TRPM2: variants seen among roughly 807,000 people sequenced by gnomAD.
TRPM2 encodes transient receptor potential cation channel subfamily M member 2, also known as estrogen-responsive element-associated gene 1 protein.
In TRPM2, 161 loss-of-function variants were observed where a neutral mutation model predicts 174.0. The observed-to-expected ratio is 0.93, with a 90% CI of 0.81 to 1.05. TRPM2 has a LOEUF of 1.05. Ranked by LOEUF, TRPM2 falls within the 50% of genes least tolerant of loss-of-function variation. The probability of loss-of-function intolerance (pLI) is 0.00; values close to 1 mark genes in which losing one functional copy is unlikely to be tolerated. For missense variants in TRPM2, 2,057 were observed against 2,038.0 expected (o/e 1.01, Z -0.18); for synonymous variants, 954 against 861.3 (o/e 1.11, Z -1.88).
In TRPM2 at chr21:44,372,145, A is replaced by C. The variant is rs556857657; in HGVS notation, c.771+2802A>C. 5.9e-5 allele frequency among the ~76,000 whole-genome samples: 9 copies of C among 151,928 alleles called. No homozygotes were observed. The East Asian group carries it at 7.8e-4, about 13-fold the overall frequency. On this transcript the variant is annotated intron_variant, in intron 5 of 31. Transcript: ENST00000397928. ...TAAACTAAACCAAACCAAACCAAAC[A>C]AAATGATCCCCTCCAACTACAAACC...
chr21:44,433,180 G>T (rs765276187), intron 27 of TRPM2, among the ~76,000 whole-genome samples: 14 of 152,208 alleles, frequency 9.2e-5, no homozygotes, highest in Non-Finnish European at 1.5e-5. Context: ...GGAGCTGGCA[G>T]GCCCCTAACC....
rs1473347036 is a variant in TRPM2 at position 44,417,909 on chromosome 21, C to T, written c.3147-18C>T. ...TAAACACCCTGACCTCGAGGTGTTGCTTTCTCCTCCCTGACAGCTACACCT... is the reference window on the plus strand; with the variant it reads ...TAAACACCCTGACCTCGAGGTGTTGTTTTCTCCTCCCTGACAGCTACACCT... On this transcript the variant is annotated intron_variant, in intron 20 of 31. Transcript: ENST00000397928. 6.2e-7 allele frequency: 1 copy of T among 1,605,546 alleles called. No homozygotes were observed. Among genetic ancestry groups the T allele is most frequent in the South Asian group, 1.1e-5 (1 of 90,910 alleles).
In TRPM2 at chr21:44,376,905, C is replaced by T. The variant is rs371777359; in HGVS notation, c.953-807C>T. On this transcript the variant is annotated intron_variant, in intron 6 of 31. Coordinates refer to ENST00000397928, the MANE Select transcript of TRPM2 (RefSeq NM_003307.4). This position sits in a 1 kb window ranked among gnomAD's most constrained non-coding sequence, Gnocchi z 4.2. Reference sequence around the variant, plus strand: ...TTAGGAGCACGTTCCCTGGTGAGGGCGATGCTGCAGTTCAGGGACCAGGGA... The same window carrying T: ...TTAGGAGCACGTTCCCTGGTGAGGGTGATGCTGCAGTTCAGGGACCAGGGA... Among the ~76,000 whole-genome samples, 6 of 151,810 alleles carry T rather than the reference C, an allele frequency of 4.0e-5. No homozygotes were observed. In the East Asian group the frequency reaches 7.8e-4, roughly 20 times the overall value.
In TRPM2 at chr21:44,377,755, C is replaced by T. The variant is rs144477868; in HGVS notation, c.996C>T (p.Gly332=). The T allele has an allele frequency of 2.5e-3, 4,042 of 1,613,998 alleles. 3 individuals carry two copies. The highest frequency in any genetic ancestry group is 3.1e-3 in the Non-Finnish European group (3,674 of 1,180,034). ...CCATCGTGTGCGTGGTGCTGGAGGG[C>T]GGCCCGGGCACGTTGCACGTGAGTA... ...KIPIVCVVLE[G]GPGTLHTIDN... The change falls in exon 7 of 32, where the codon GGC becomes GGT. Residue 332 remains glycine (G), a synonymous_variant. Transcript: ENST00000397928.
At position 44,399,364 on chromosome 21, in the gene TRPM2, G is replaced by C; in HGVS notation, c.2131G>C (p.Ala711Pro). 1 of 1,612,844 alleles carries C rather than the reference G, an allele frequency of 6.2e-7. No homozygotes were observed. ...GAAACTGCTCACCCGCGTGTCCGAG[G>C]CCTGGGGGAAGACCACCTGCCTGCA... ...AQKLLTRVSEAWGKTTCLQLA... is the reference protein window; with the variant it reads ...AQKLLTRVSEPWGKTTCLQLA... The change falls in exon 14 of 32, where the codon GCC (alanine) becomes CCC (proline). Residue 711 changes from alanine (A) to proline (P), a missense_variant. Ala to Pro is a conservative substitution (Grantham distance 27). Coordinates refer to ENST00000397928, the MANE Select transcript of TRPM2 (RefSeq NM_003307.4). This position sits in a 1 kb window ranked among gnomAD's most constrained non-coding sequence, Gnocchi z 4.6.
upstream of TRPM2, among the ~76,000 whole-genome samples, chr21:44,352,194 C>A (rs2123000011): frequency 2.1e-4 from 32 of 152,222 alleles, no homozygotes; most frequent in African/African-American, 7.5e-4. Context: ...CAGCTCATGG[C>A]CCTGGAAAGA....
intron 12 of TRPM2, 115 bp from the exon 13 acceptor site, chr21:44,397,632 C>A: frequency 8.6e-7 from 1 of 1,162,358 alleles, no homozygotes; most frequent in Non-Finnish European, 1.1e-6. Context: ...AGTGATTGCC[C>A]AGTGGCCCGC....
intron 30 of TRPM2, among the ~76,000 whole-genome samples, chr21:44,440,587 G>A (rs1292633563): frequency 6.6e-6 from 1 of 152,268 alleles, no homozygotes; most frequent in Non-Finnish European, 1.5e-5. Flanking sequence ...GCAAGGACGT[G>A]TCTGTCCAGG....
chr21:44,423,407 C>T (rs1319953733), intron 22 of TRPM2: 3 of 517,304 alleles, frequency 5.8e-6, no homozygotes, highest in East Asian at 3.4e-5. Flanking sequence ...GACAGGCTGC[C>T]AGAGCTTGCC....
At chr21:44,403,034 G>A (rs966765810) in intron 16 of TRPM2, among the ~76,000 whole-genome samples, 1 of 152,168 alleles carries the variant, frequency 6.6e-6, no homozygotes, top group Non-Finnish European at 1.5e-5. Context: ...ACTTGGCGGG[G>A]CCTGGGAGCT....
At chr21:44,441,611 C>T in intron 31 of TRPM2, 81 bp from the exon 32 acceptor site, 1 of 1,488,996 alleles carries the variant, frequency 6.7e-7, no homozygotes. Flanking sequence ...GCCCCAAGCC[C>T]TCGAAGGCTG....
In TRPM2 at chr21:44,405,240, C is replaced by T. The variant is rs564579705; in HGVS notation, c.2637C>T (p.Phe879=). The change falls in exon 17 of 32, where the codon TTC becomes TTT. Residue 879 remains phenylalanine (F), a synonymous_variant. Transcript: ENST00000397928. ...TGGACGTCGGCGCAATCTTGCTCTT[C>T]GTGGCAGGGCTGACCTGCAGGTGAG... is the stretch of plus-strand genomic sequence containing the variant. ...NKLDVGAILL[F]VAGLTCRLIP... is the part of the protein sequence containing the mutation. The T allele has an allele frequency of 4.2e-5, 68 of 1,613,182 alleles. No individual in the cohort carries two copies. The East Asian group carries it at 1.0e-3, about 24-fold the overall frequency.
chr21:44,351,807 T>C (rs915516160), upstream of TRPM2, among the ~76,000 whole-genome samples: 1 of 152,172 alleles, frequency 6.6e-6, no homozygotes, highest in Non-Finnish European at 1.5e-5. Context: ...CGGGTGGTGC[T>C]GGAGCAGGTC....
At position 44,442,503 on chromosome 21, in the gene TRPM2, G is replaced by A. The variant is rs1349004068; in HGVS notation, c.*686G>A. On this transcript the variant is annotated 3_prime_UTR_variant, in exon 32 of 32. Coordinates refer to ENST00000397928, the MANE Select transcript of TRPM2 (RefSeq NM_003307.4). ...TCCCTGGGAGCCACGTGCTGGCCAT[G>A]TGGCCAGGGACGGCATGAGCAGGAG... 6.6e-6 allele frequency: 1 copy of A among 152,352 alleles called. No individual in the cohort carries two copies. The highest frequency in any genetic ancestry group is 1.5e-5 in the Non-Finnish European group (1 of 68,102). The allele number at this position is 152,352 out of a possible 1,614,324, so 9.4% of individuals were successfully genotyped here.
chr21:44,359,894 T>A (rs2048165573), intron 2 of TRPM2, among the ~76,000 whole-genome samples: 2 of 151,820 alleles, frequency 1.3e-5, no homozygotes, highest in African/African-American at 2.4e-5. Flanking sequence ...ACTACAGCTG[T>A]GCACCATCAC....
rs772466518 is a variant in TRPM2 at position 44,367,024 on chromosome 21, A to G, written c.604+90A>G. On this transcript the variant is annotated intron_variant, in intron 4 of 31. Transcript: ENST00000397928. The surrounding 1 kb of genome is among the most constrained non-coding windows in gnomAD (Gnocchi z 4.6). ...GGGCAATCAGGGCCATCAGGACCCA[A>G]AAAGTCCCTGGGAGCCGCCGAGGCT... 5.6e-6 allele frequency: 8 copies of G among 1,437,726 alleles called. No individual in the cohort carries two copies. Among genetic ancestry groups the G allele is most frequent in the Non-Finnish European group, 7.4e-6 (8 of 1,086,268 alleles). 89.1% of individuals were successfully genotyped at this position (1,437,726 alleles called of 1,614,324 possible).
chr21:44,432,724 T>C lies in TRPM2; in HGVS notation c.3975-2407T>C, dbSNP rs550424485. Among the ~76,000 whole-genome samples, 27 of 152,290 alleles carry C rather than the reference T, an allele frequency of 1.8e-4. No individual in the cohort carries two copies. Among genetic ancestry groups the C allele is most frequent in the Non-Finnish European group, 2.8e-4 (19 of 68,026 alleles). ...CTTTGCTTGCCCCCTCTTTCTGAGA[T>C]GGATTGAGGTCAGGTCAGCAAAGAT... is the stretch of plus-strand genomic sequence containing the variant. On this transcript the variant is annotated intron_variant, in intron 27 of 31. Transcript: ENST00000397928. This position sits in a 1 kb window ranked among gnomAD's most constrained non-coding sequence, Gnocchi z 4.9.
chr21:44,437,736 A>G (rs2051335211), intron 29 of TRPM2, among the ~76,000 whole-genome samples: 1 of 152,120 alleles, frequency 6.6e-6, no homozygotes, highest in African/African-American at 2.4e-5. Context: ...CACAATCAGG[A>G]CAGATGGCCT....
At chr21:44,355,527 T>G (rs918726522) in intron 2 of TRPM2, among the ~76,000 whole-genome samples, 1 of 152,184 alleles carries the variant, frequency 6.6e-6, no homozygotes, top group East Asian at 1.9e-4. Flanking sequence ...ATACAACCTC[T>G]ACCAGGAAGT....
Sources: allele counts gnomAD v4.1 joint callset (sites outside exome capture counted in the v4.1 genomes callset), GRCh38; gene constraint gnomAD v4.1.1; non-coding constraint Gnocchi (gnomAD v3.1); transcripts MANE v1.5; gene names NCBI Gene and HGNC (gene_info 2026-07-23, HGNC 2026-07-21).